Variants in GHR observed in about 807,000 individuals in gnomAD.
GHR encodes the protein growth hormone receptor, also known as GH receptor.
GHR carries 35 observed loss-of-function variants against 67.1 expected under a neutral mutation model. That is an observed-to-expected ratio of 0.52 (90% CI 0.40 to 0.69). The LOEUF (loss-of-function observed/expected upper bound fraction) is 0.69, where lower values mean the gene tolerates loss of function less well. Ranked by LOEUF, GHR falls within the 30% of genes least tolerant of loss-of-function variation. The probability of loss-of-function intolerance (pLI) is 0.00; values close to 1 mark genes in which losing one functional copy is unlikely to be tolerated. For missense variants in GHR, 792 were observed against 764.6 expected (o/e 1.04, Z -0.42); for synonymous variants, 272 against 269.1 (o/e 1.01, Z -0.10).
intron 1 of GHR, chr5:42,466,980 A>G (rs1260177376): frequency 2.5e-6 from 4 of 1,574,700 alleles, no homozygotes; most frequent in Non-Finnish European, 3.5e-6. Flanking sequence ...GCTTCTCCCC[A>G]GTGTGGGTTC....
chr5:42,661,185 A>G (rs923450381), intron 3 of GHR, among the ~76,000 whole-genome samples: 11 of 152,214 alleles, frequency 7.2e-5, no homozygotes, highest in Non-Finnish European at 1.6e-4. Flanking sequence ...ACTCTGCAGG[A>G]TATTATCCAG....
rs1035314063 is a variant in GHR at position 42,721,526 on chromosome 5, G to T, written c.*2102G>T. 2.6e-4 allele frequency: 39 copies of T among 152,568 alleles called. No individual in the cohort carries two copies. The highest frequency in any genetic ancestry group is 9.4e-4 in the African/African-American group (39 of 41,424). 9.5% of individuals were successfully genotyped at this position (152,568 alleles called of 1,614,324 possible). A position where few individuals can be genotyped will look rare whatever the true frequency, so the allele number is the denominator to read the frequency against. On this transcript the variant is annotated 3_prime_UTR_variant, in exon 10 of 10. Coordinates refer to ENST00000230882, the MANE Select transcript of GHR (RefSeq NM_000163.5). ...GATTTTCTGCTACTTTGCTGCTATG[G>T]TTTTCTCCAAGAGCTACATAATTTA...
intron 3 of GHR, among the ~76,000 whole-genome samples, chr5:42,679,781 T>C (rs1279670995): frequency 6.6e-6 from 1 of 152,216 alleles, no homozygotes; most frequent in Non-Finnish European, 1.5e-5. Context: ...TAACTCATTC[T>C]AGTTTTGAGA....
At chr5:42,454,746 C>T (rs553785352) in intron 1 of GHR, among the ~76,000 whole-genome samples, 17 of 152,254 alleles carry the variant, frequency 1.1e-4, no homozygotes, top group South Asian at 1.0e-3. Flanking sequence ...ATCCACGCCT[C>T]CTGCTTGTGG....
At chr5:42,554,911 C>T (rs375857016) in intron 1 of GHR, among the ~76,000 whole-genome samples, 1 of 152,048 alleles carries the variant, frequency 6.6e-6, no homozygotes, top group Admixed American at 6.6e-5. Flanking sequence ...ATGTGGTTGG[C>T]ATTTGTGGCT....
At chr5:42,599,610 G>T (rs557395973) in intron 2 of GHR, among the ~76,000 whole-genome samples, 1 of 151,022 alleles carries the variant, frequency 6.6e-6, no homozygotes, top group Non-Finnish European at 1.5e-5. Context: ...CCACCCCCCC[G>T]CCTCTTGGCC....
intron 3 of GHR, among the ~76,000 whole-genome samples, chr5:42,678,518 AC>A (rs1277206148): frequency 1.3e-5 from 2 of 152,162 alleles, no homozygotes; most frequent in Non-Finnish European, 1.5e-5. Flanking sequence ...TCATAAAAAA[AC>A]GTTAAATGAT....
At chr5:42,448,239 C>T (rs945734651) in intron 1 of GHR, among the ~76,000 whole-genome samples, 2 of 152,112 alleles carry the variant, frequency 1.3e-5, no homozygotes, top group African/African-American at 4.8e-5. Context: ...CTTTTCACTA[C>T]CTTCATGCCA....
chr5:42,591,265 G>T (rs34212627), intron 2 of GHR, among the ~76,000 whole-genome samples: 3 of 152,186 alleles, frequency 2.0e-5, no homozygotes, highest in Admixed American at 1.3e-4. Flanking sequence ...GACGCTTTTC[G>T]CATTTGGTCA....
At chr5:42,609,009 G>T (rs1752761252) in intron 2 of GHR, among the ~76,000 whole-genome samples, 1 of 152,042 alleles carries the variant, frequency 6.6e-6, no homozygotes, top group Non-Finnish European at 1.5e-5. Context: ...TTTCAGTCTG[G>T]GTTCAGGAAA....
intron 2 of GHR, among the ~76,000 whole-genome samples, chr5:42,581,628 A>G (rs1050467715): frequency 6.6e-6 from 1 of 152,232 alleles, no homozygotes; most frequent in Admixed American, 6.5e-5. Flanking sequence ...GAAGCCTCAT[A>G]CATAGAGATT....
chr5:42,571,886 CAA>C (rs1241325448), intron 2 of GHR, among the ~76,000 whole-genome samples: 1 of 152,096 alleles, frequency 6.6e-6, no homozygotes, highest in Non-Finnish European at 1.5e-5. Context: ...TTGGTGATGG[CAA>C]AGAGTACCTG....
Position 42,719,181 on chromosome 5 carries a change from A to C in GHR, c.1674A>C (p.Pro558=). 6.2e-7 allele frequency: 1 copy of C among 1,614,180 alleles called. No homozygotes were observed. Among genetic ancestry groups the C allele is most frequent in the Non-Finnish European group, 8.5e-7 (1 of 1,180,030 alleles). ...PHIKVESHIQ[P]SLNQEDIYIT... The stretch of plus-strand genomic sequence containing the variant: ...TCAAGGTTGAATCACACATACAGCC[A>C]AGCTTAAACCAAGAGGACATTTACA... The change falls in exon 10 of 10, where the codon CCA becomes CCC. Residue 558 remains proline (P), a synonymous_variant. Transcript: ENST00000230882.
chr5:42,504,557 G>A (rs1395552429), intron 1 of GHR, among the ~76,000 whole-genome samples: 1 of 151,920 alleles, frequency 6.6e-6, no homozygotes, highest in Non-Finnish European at 1.5e-5. Flanking sequence ...TCAGGAGATT[G>A]AGATCATCCT....
At chr5:42,703,233 A>G (rs1305693866) in intron 6 of GHR, among the ~76,000 whole-genome samples, 2 of 152,022 alleles carry the variant, frequency 1.3e-5, no homozygotes, top group African/African-American at 4.8e-5. Context: ...TTATTTTTGT[A>G]TATGAGGTAA....
intron 3 of GHR, among the ~76,000 whole-genome samples, chr5:42,644,756 T>C (rs1754646739): frequency 6.6e-6 from 1 of 152,082 alleles, no homozygotes; most frequent in Admixed American, 6.6e-5. Context: ...ACAGGATTGC[T>C]ATATGTTGAT....
At chr5:42,551,834 A>G (rs564543536) in intron 1 of GHR, among the ~76,000 whole-genome samples, 4 of 152,302 alleles carry the variant, frequency 2.6e-5, no homozygotes, top group East Asian at 1.9e-4. Context: ...AGGATTTTCT[A>G]TAAGTTTTCT....
chr5:42,494,097 C>T (rs940735140), intron 1 of GHR, among the ~76,000 whole-genome samples: 1 of 152,138 alleles, frequency 6.6e-6, no homozygotes, highest in Non-Finnish European at 1.5e-5. Flanking sequence ...ATACTTAATT[C>T]TACCTATCAT....
intron 1 of GHR, among the ~76,000 whole-genome samples, chr5:42,551,460 A>C (rs1434300321): frequency 6.6e-6 from 1 of 152,166 alleles, no homozygotes; most frequent in African/African-American, 2.4e-5. Context: ...GACCATGAAG[A>C]AGGCTGTTGA....
Sources: gnomAD v4.1 joint callset for allele counts (sites outside exome capture counted in the v4.1 genomes callset) on GRCh38, gnomAD v4.1.1 for gene constraint, MANE v1.5 for transcripts, NCBI Gene and HGNC (gene_info 2026-07-23, HGNC 2026-07-21) for gene names.